GALNT13: variants seen among roughly 807,000 people sequenced by gnomAD.
GALNT13 encodes the protein UDP-GalNAc:polypeptide N-acetylgalactosaminyltransferase 13.
Under a neutral mutation model 64.2 loss-of-function variants are expected in GALNT13, and 28 were observed. The observed-to-expected ratio is 0.44, with a 90% CI of 0.32 to 0.60. The LOEUF is 0.60. Among genes scored for constraint, GALNT13 ranks in the 20% least tolerant of loss-of-function variants. The pLI is 0.05. For synonymous variants in GALNT13, 214 were observed against 224.6 expected, an observed-to-expected ratio of 0.95 and a Z score of 0.42; for missense variants, 577 against 669.8, an observed-to-expected ratio of 0.86 and a Z score of 1.53.
the GALNT13 span, among the ~76,000 whole-genome samples, chr2:153,389,200 C>T: frequency 6.6e-6 from 1 of 152,072 alleles, no homozygotes; most frequent in Non-Finnish European, 1.5e-5. Context: ...CTAATTTGTA[C>T]AGCATTTATT....
At chr2:153,308,835 A>G in the GALNT13 span, among the ~76,000 whole-genome samples, 17 of 152,340 alleles carry the variant, frequency 1.1e-4, no homozygotes, top group African/African-American at 4.1e-4. Context: ...TAGAAGAAAT[A>G]ATCCAAAAAG....
intron 4 of GALNT13, among the ~76,000 whole-genome samples, chr2:154,200,349 T>C (rs1355561281): frequency 1.3e-5 from 2 of 152,184 alleles, no homozygotes; most frequent in Non-Finnish European, 2.9e-5. Context: ...ACCAAAGATA[T>C]GAACTGTGGT....
chr2:153,482,524 CA>C, the GALNT13 span, among the ~76,000 whole-genome samples: 1 of 152,186 alleles, frequency 6.6e-6, no homozygotes, highest in Non-Finnish European at 1.5e-5. Flanking sequence ...GGCTGGACTG[CA>C]GTGGCACGAT....
chr2:153,768,717 T>G, the GALNT13 span, among the ~76,000 whole-genome samples: 1 of 151,964 alleles, frequency 6.6e-6, no homozygotes, highest in African/African-American at 2.4e-5. Context: ...ATACAAAAAA[T>G]TAGTTAGGCA....
At chr2:153,201,084 C>T in the GALNT13 span, among the ~76,000 whole-genome samples, 19 of 152,290 alleles carry the variant, frequency 1.2e-4, no homozygotes, top group Admixed American at 1.0e-3. Flanking sequence ...GGAAATTCCC[C>T]GGTTTCTCTG....
At chr2:153,173,116 T>G in the GALNT13 span, 2 of 152,166 alleles carry the variant, frequency 1.3e-5, no homozygotes, top group African/African-American at 4.8e-5. Context: ...TCTATATCTA[T>G]ATAATTCCAA....
chr2:153,913,282 A>G (rs938193567), intron 2 of GALNT13, among the ~76,000 whole-genome samples: 1 of 152,062 alleles, frequency 6.6e-6, no homozygotes, highest in African/African-American at 2.4e-5. Flanking sequence ...TGGCAATGTG[A>G]CAGGTGGGGT....
At chr2:153,726,691 C>G in the GALNT13 span, among the ~76,000 whole-genome samples, 1 of 152,022 alleles carries the variant, frequency 6.6e-6, no homozygotes, top group African/African-American at 2.4e-5. Flanking sequence ...CCTGTAATCT[C>G]AGCACTTTGG....
chr2:154,062,226 G>A (rs1190940880), intron 3 of GALNT13, among the ~76,000 whole-genome samples: 1 of 152,036 alleles, frequency 6.6e-6, no homozygotes, highest in African/African-American at 2.4e-5. Context: ...TCATTCCTAT[G>A]GGTGGAATCC....
intron 4 of GALNT13, among the ~76,000 whole-genome samples, chr2:154,173,192 AT>A (rs1685459481): frequency 6.6e-6 from 1 of 151,946 alleles, no homozygotes. Context: ...CAACCAACTT[AT>A]TTTCAACAAA....
intron 8 of GALNT13, among the ~76,000 whole-genome samples, chr2:154,263,747 TC>T (rs1422823434): frequency 6.6e-6 from 1 of 152,122 alleles, no homozygotes; most frequent in Non-Finnish European, 1.5e-5. Flanking sequence ...CACTCATAAA[TC>T]AGTTGGAATG....
At chr2:153,789,968 G>A in the GALNT13 span, among the ~76,000 whole-genome samples, 1 of 152,058 alleles carries the variant, frequency 6.6e-6, no homozygotes, top group South Asian at 2.1e-4. Context: ...AAAGGCCCAG[G>A]ACTAGGCAGA....
intron 4 of GALNT13, among the ~76,000 whole-genome samples, chr2:154,176,484 C>A (rs1685662181): frequency 6.6e-6 from 1 of 151,852 alleles, no homozygotes; most frequent in South Asian, 2.1e-4. Context: ...GATCTCCTGA[C>A]CTCACGATCT....
chr2:153,260,721 A>T, the GALNT13 span, among the ~76,000 whole-genome samples: 1 of 152,110 alleles, frequency 6.6e-6, no homozygotes, highest in Non-Finnish European at 1.5e-5. Flanking sequence ...CTTCTACTTG[A>T]ATATTGATAT....
intron 9 of GALNT13, among the ~76,000 whole-genome samples, chr2:154,392,310 G>A (rs1698833481): frequency 6.6e-6 from 1 of 152,118 alleles, no homozygotes; most frequent in Non-Finnish European, 1.5e-5. Context: ...GATGTAGCAG[G>A]GAAGAAATGT....
the GALNT13 span, among the ~76,000 whole-genome samples, chr2:153,866,311 T>TA: frequency 0.82 from 122,983 of 150,374 alleles, 51,488 homozygotes; most frequent in Non-Finnish European, 0.9. Context: ...TAAAGTATAA[T>TA]AAAAAAAAAT....
chr2:153,234,119 G>A, the GALNT13 span, among the ~76,000 whole-genome samples: 19 of 152,080 alleles, frequency 1.2e-4, no homozygotes, highest in Non-Finnish European at 2.5e-4. Flanking sequence ...CCTCTATTTT[G>A]ATGTCATTGA....
chr2:154,269,896 A>T (rs1227726818), intron 8 of GALNT13, among the ~76,000 whole-genome samples: 1 of 96,022 alleles, frequency 1.0e-5, no homozygotes, highest in African/African-American at 3.3e-5. Context: ...ATATATATTT[A>T]TATATATGTG....
At chr2:153,521,725 C>A in the GALNT13 span, among the ~76,000 whole-genome samples, 2 of 152,264 alleles carry the variant, frequency 1.3e-5, no homozygotes, top group East Asian at 3.9e-4. Context: ...TCCTGGCAAT[C>A]GCTGATCTTT....
Sources: allele counts gnomAD v4.1 joint callset (sites outside exome capture counted in the v4.1 genomes callset), GRCh38; gene constraint gnomAD v4.1.1; transcripts MANE v1.5; gene names NCBI Gene and HGNC (gene_info 2026-07-23, HGNC 2026-07-21).